Variants in SORBS2 observed in about 807,000 individuals in gnomAD.
SORBS2 encodes sorbin and SH3 domain containing 2, also known as sorbin and SH3 domain-containing protein 2.
A neutral mutation model predicts 97.7 loss-of-function variants in SORBS2; 46 were observed. That is an observed-to-expected ratio of 0.47 (90% CI 0.37 to 0.60). SORBS2 has a LOEUF of 0.60. Ranked by LOEUF, SORBS2 falls within the 20% of genes least tolerant of loss-of-function variation. The pLI is 0.00. For missense variants in SORBS2, 1,316 were observed against 1,282.3 expected, an observed-to-expected ratio of 1.03 and a Z score of -0.40; for synonymous variants, 476 against 473.4, an observed-to-expected ratio of 1.01 and a Z score of -0.07.
At chr4:185,658,691 G>GA (rs2097452209), upstream of SORBS2, among the ~76,000 whole-genome samples, 1 of 102,010 alleles carries the variant, frequency 9.8e-6, no homozygotes, top group Admixed American at 1.2e-4. Context: ...AAATAAGTAA[G>GA]CTTTTTTTTT....
intron 1 of SORBS2, among the ~76,000 whole-genome samples, chr4:185,848,856 A>G (rs1023155978): frequency 6.6e-6 from 1 of 151,806 alleles, no homozygotes; most frequent in African/African-American, 2.4e-5. Flanking sequence ...ATTTCTATAG[A>G]TAATATATCC....
chr4:185,757,098 C>T (rs1188301140), intron 2 of SORBS2: 6 of 574,842 alleles, frequency 1.0e-5, no homozygotes, highest in African/African-American at 1.9e-5. Context: ...TGTCGAACTG[C>T]GTGGAAAAGC....
intron 1 of SORBS2, among the ~76,000 whole-genome samples, chr4:185,887,240 T>C (rs1037838172): frequency 4.6e-5 from 7 of 152,252 alleles, no homozygotes; most frequent in African/African-American, 1.7e-4. Flanking sequence ...ATCACATTTC[T>C]TTCTGTTAGT....
chr4:185,737,748 G>T (rs1195289612), intron 2 of SORBS2, among the ~76,000 whole-genome samples: 2 of 152,178 alleles, frequency 1.3e-5, no homozygotes, highest in Non-Finnish European at 2.9e-5. Flanking sequence ...AAACCTTCAC[G>T]AAGTCAGGGT....
chr4:185,611,952 A>G, exon 12 of SORBS2: 2 of 1,611,848 alleles, frequency 1.2e-6, no homozygotes, highest in South Asian at 1.1e-5. Flanking sequence ...GTTTTGATCA[A>G]CTCTTTTAAG....
intron 12 of SORBS2, among the ~76,000 whole-genome samples, chr4:185,600,971 T>C (rs1376577866): frequency 6.6e-6 from 1 of 152,096 alleles, no homozygotes; most frequent in African/African-American, 2.4e-5. Context: ...CCTTCTTTTG[T>C]GTAGGTTTTA....
At chr4:185,775,726 C>T (rs2098996793) in intron 1 of SORBS2, 1 of 152,156 alleles carries the variant, frequency 6.6e-6, no homozygotes, top group African/African-American at 2.4e-5. Context: ...ACGAGATGTC[C>T]TACTTATGCT....
At chr4:185,624,064 C>T (rs1186204136) in exon 7 of SORBS2, 1 of 1,614,088 alleles carries the variant, frequency 6.2e-7, no homozygotes, top group Non-Finnish European at 8.5e-7. Flanking sequence ...TCTTGTACAT[C>T]TTCAGGAACC....
Position 185,866,167 on chromosome 4 carries a change from T to C in SORBS2, c.-338+90029A>G, listed in dbSNP as rs191824194. Among the ~76,000 whole-genome samples, 428 of 152,332 alleles carry C rather than the reference T, an allele frequency of 2.8e-3. 2 individuals are homozygous for C. Among genetic ancestry groups the C allele is most frequent in the South Asian group, 0.017 (80 of 4,826 alleles). On this transcript the variant is annotated intron_variant, in intron 1 of 20. Transcript: ENST00000284776. ...TCACCAGCCAGTTGTCATTGTAAGA[T>C]ACTGATTACCAAGGAGTGGCCGGGG...
At chr4:185,589,392 G>GTTT (rs1314667375) in intron 14 of SORBS2, among the ~76,000 whole-genome samples, 1 of 152,118 alleles carries the variant, frequency 6.6e-6, no homozygotes. Context: ...TGTTGTTGTT[G>GTTT]TTCTTAGATC....
At chr4:185,865,472 G>A (rs79052906) in intron 1 of SORBS2, among the ~76,000 whole-genome samples, 8,765 of 152,122 alleles carry the variant, frequency 0.058, 299 homozygotes, top group East Asian at 0.14. Flanking sequence ...TATTATTACC[G>A]GTCTCCCTTG....
intron 1 of SORBS2, among the ~76,000 whole-genome samples, chr4:185,893,508 G>A (rs140888680): frequency 4.9e-4 from 75 of 152,314 alleles, no homozygotes; most frequent in Non-Finnish European, 1.5e-4. Flanking sequence ...AATAGATAGC[G>A]TAGAGGTGAA....
At chr4:185,923,939 A>T (rs1034357810) in intron 1 of SORBS2, among the ~76,000 whole-genome samples, 1 of 152,238 alleles carries the variant, frequency 6.6e-6, no homozygotes, top group African/African-American at 2.4e-5. Context: ...AAAGACGCTC[A>T]ATCAATAAAT....
intron 2 of SORBS2, among the ~76,000 whole-genome samples, chr4:185,741,404 G>GTTTTTTTTT (rs58376567): frequency 9.0e-6 from 1 of 111,664 alleles, no homozygotes; most frequent in African/African-American, 3.5e-5. Flanking sequence ...TTTTTTTTTT[G>GTTTTTTTTT]TTTTTTTTTT....
rs116581974 is a variant in SORBS2 at position 185,740,973 on chromosome 4, G to C, written c.-198+34254C>G. The stretch of plus-strand genomic sequence containing the variant: ...GCCCAGCACCAACTCAGATCAGCAC[G>C]AACTCAAACCAGCACTAACTCGGAC... On this transcript the variant is annotated intron_variant, in intron 2 of 20. Coordinates refer to the SORBS2 transcript ENST00000284776. Among the ~76,000 whole-genome samples the C allele has an allele frequency of 5.1e-3, 709 of 139,824 alleles. 9 individuals carry two copies. Among genetic ancestry groups the C allele is most frequent in the African/African-American group, 0.018 (661 of 37,022 alleles). The allele number at this position is 139,824 out of a possible 152,430, so 91.7% of individuals were successfully genotyped here.
At chr4:185,720,149 G>A (rs1487643480) in intron 2 of SORBS2, among the ~76,000 whole-genome samples, 1 of 152,190 alleles carries the variant, frequency 6.6e-6, no homozygotes, top group Non-Finnish European at 1.5e-5. Flanking sequence ...TAAATGGAAG[G>A]AGCCCAGGTT....
chr4:185,860,346 G>T (rs934660371), intron 1 of SORBS2, among the ~76,000 whole-genome samples: 3 of 152,148 alleles, frequency 2.0e-5, no homozygotes, highest in Non-Finnish European at 2.9e-5. Context: ...TGACAATTTC[G>T]ATAATGAGTG....
At chr4:185,687,714 C>A (rs1335430657) in intron 2 of SORBS2, among the ~76,000 whole-genome samples, 2 of 152,044 alleles carry the variant, frequency 1.3e-5, no homozygotes, top group Non-Finnish European at 2.9e-5. Context: ...AGCTCTAAGT[C>A]TTAGATGAAA....
chr4:185,887,547 C>A lies in SORBS2; in HGVS notation c.-338+68649G>T, dbSNP rs537132287. Among the ~76,000 whole-genome samples the A allele has an allele frequency of 7.1e-4, 108 of 152,238 alleles. No homozygotes were observed. The Middle Eastern group carries it at 0.01, about 14-fold the overall frequency. ...ATGCAGCCTGCAGATTTATAGACTG[C>A]AGATTTTGTGGTATGTTAAAAATAT... On this transcript the variant is annotated intron_variant, in intron 1 of 20. Transcript: ENST00000284776.
Sources: gnomAD v4.1 joint callset for allele counts (sites outside exome capture counted in the v4.1 genomes callset) on GRCh38, gnomAD v4.1.1 for gene constraint, MANE v1.5 for transcripts, NCBI Gene and HGNC (gene_info 2026-07-23, HGNC 2026-07-21) for gene names.